Variants in CD300LF observed in about 807,000 individuals in gnomAD.
CD300LF encodes CD300 molecule like family member f, also known as CMRF35-like molecule 1.
Under a neutral mutation model 32.2 loss-of-function variants are expected in CD300LF, and 27 were observed. The ratio of observed to expected loss-of-function variants is 0.84; its 90% CI spans 0.62 to 1.15. CD300LF has a LOEUF of 1.15. Among genes scored for constraint, CD300LF ranks in the 50% most tolerant of loss-of-function variants. The pLI is 0.00. For missense variants in CD300LF, 348 were observed against 356.8 expected, an observed-to-expected ratio of 0.98 and a Z score of 0.20; for synonymous variants, 139 against 143.2, an observed-to-expected ratio of 0.97 and a Z score of 0.21.
At chr17:74,700,172 C>T (rs150196955) in intron 3 of CD300LF, among the ~76,000 whole-genome samples, 27 of 130,990 alleles carry the variant, frequency 2.1e-4, no homozygotes, top group African/African-American at 5.3e-4. Context: ...AATAAATAAA[C>T]AAACAAACAA....
At chr17:74,698,246 G>A in intron 4 of CD300LF, 123 bp downstream of exon 4, 1 of 727,448 alleles carries the variant, frequency 1.4e-6, no homozygotes, top group South Asian at 1.8e-5. Context: ...CAGCTGCTGA[G>A]GGCCTTTGGG....
At position 74,703,023 on chromosome 17, in the gene CD300LF, G is replaced by C. The variant is rs1598245031; in HGVS notation, c.446+12C>G. 1.2e-6 allele frequency: 2 copies of C among 1,607,858 alleles called. No homozygotes were observed. The highest frequency in any genetic ancestry group is 1.3e-5 in the African/African-American group (1 of 74,926). On this transcript the variant is annotated intron_variant, in intron 3 of 6. Coordinates refer to ENST00000326165, the MANE Select transcript of CD300LF (RefSeq NM_139018.5). ...GGCCAAGTAGGCCACAGTGGAACCAGAGCTGGCTTACCTGTTGTCCAAGTG... is the reference window on the plus strand; with the variant it reads ...GGCCAAGTAGGCCACAGTGGAACCACAGCTGGCTTACCTGTTGTCCAAGTG...
Sources: allele counts gnomAD v4.1 joint callset (sites outside exome capture counted in the v4.1 genomes callset), GRCh38; gene constraint gnomAD v4.1.1; transcripts MANE v1.5; gene names NCBI Gene and HGNC (gene_info 2026-07-23, HGNC 2026-07-21).